Variants in PCDH15 observed in about 807,000 individuals in gnomAD.
PCDH15 encodes protocadherin related 15.
A neutral mutation model predicts 178.5 loss-of-function variants in PCDH15; 129 were observed. The observed-to-expected ratio is 0.72, with a 90% confidence interval of 0.63 to 0.84. PCDH15 has a LOEUF of 0.84. Ranked by LOEUF, PCDH15 falls within the 40% of genes least tolerant of loss-of-function variation. The pLI, the probability that PCDH15 is intolerant of heterozygous loss-of-function variation, is 0.00. For synonymous variants in PCDH15, 800 were observed against 732.0 expected (o/e 1.09, Z -1.50); for missense variants, 2,230 against 2,099.9 (o/e 1.06, Z -1.21).
intron 2 of PCDH15, among the ~76,000 whole-genome samples, chr10:55,160,194 T>C (rs774437481): frequency 6.6e-5 from 10 of 152,004 alleles, no homozygotes; most frequent in Non-Finnish European, 1.5e-4. Flanking sequence ...AGAGGAAAGC[T>C]TTCGTACAGA....
intron 15 of PCDH15, among the ~76,000 whole-genome samples, chr10:54,126,375 T>C (rs1270763885): frequency 5.3e-5 from 8 of 151,976 alleles, no homozygotes; most frequent in African/African-American, 1.9e-4. Context: ...TTACCTGCTA[T>C]CTCATTTAAT....
At chr10:55,589,900 T>C (rs1842806181) in intron 2 of PCDH15, among the ~76,000 whole-genome samples, 1 of 149,120 alleles carries the variant, frequency 6.7e-6, no homozygotes. Context: ...TGGAAGTCAG[T>C]GTGGCGATTC....
At chr10:54,300,611 G>A (rs1170939387) in intron 8 of PCDH15, among the ~76,000 whole-genome samples, 3 of 152,162 alleles carry the variant, frequency 2.0e-5, no homozygotes. Flanking sequence ...CCTGTTTAGA[G>A]GAGGGATTGA....
At chr10:54,696,694 C>A (rs2095230993) in intron 1 of PCDH15, among the ~76,000 whole-genome samples, 2 of 151,652 alleles carry the variant, frequency 1.3e-5, no homozygotes. Context: ...AAAAAAAAAC[C>A]GCCCTATTTT....
intron 32 of PCDH15, among the ~76,000 whole-genome samples, chr10:53,825,791 AAAGAT>A (rs1439883042): frequency 6.6e-5 from 10 of 151,446 alleles, no homozygotes; most frequent in East Asian, 3.9e-4. Flanking sequence ...AACATTTACT[AAAGAT>A]AAGATAATTA....
At chr10:54,772,439 T>A (rs1485661479) in intron 1 of PCDH15, among the ~76,000 whole-genome samples, 1 of 152,150 alleles carries the variant, frequency 6.6e-6, no homozygotes, top group African/African-American at 2.4e-5. Flanking sequence ...ACCTTAAAAT[T>A]TTGTCTTATC....
intron 2 of PCDH15, among the ~76,000 whole-genome samples, chr10:55,082,875 T>C (rs905175654): frequency 6.6e-6 from 1 of 151,866 alleles, no homozygotes; most frequent in Non-Finnish European, 1.5e-5. Flanking sequence ...AATAGGCCAA[T>C]AGCAAGTAAT....
chr10:54,608,675 C>T (rs931783836), intron 2 of PCDH15, among the ~76,000 whole-genome samples: 5 of 151,850 alleles, frequency 3.3e-5, no homozygotes, highest in African/African-American at 7.3e-5. Flanking sequence ...TGGTAATATT[C>T]GTCAAGAAGT....
chr10:54,038,981 T>C (rs1301975789), intron 18 of PCDH15, among the ~76,000 whole-genome samples: 1 of 151,982 alleles, frequency 6.6e-6, no homozygotes, highest in East Asian at 1.9e-4. Context: ...TCCACCCCTG[T>C]GCCCAGAGAC....
At chr10:54,699,499 T>A (rs1437163274) in intron 1 of PCDH15, among the ~76,000 whole-genome samples, 1 of 152,082 alleles carries the variant, frequency 6.6e-6, no homozygotes, top group Non-Finnish European at 1.5e-5. Flanking sequence ...AGAAAATTAT[T>A]TTTTATTGTT....
intron 2 of PCDH15, among the ~76,000 whole-genome samples, chr10:55,415,440 C>T (rs2132039186): frequency 6.6e-6 from 1 of 151,660 alleles, no homozygotes; most frequent in Middle Eastern, 3.4e-3. Flanking sequence ...ATTTGACATT[C>T]CAAATACTGA....
chr10:54,257,403 CTTT>C (rs71461225), intron 8 of PCDH15, among the ~76,000 whole-genome samples: 16 of 126,020 alleles, frequency 1.3e-4, no homozygotes, highest in Non-Finnish European at 2.3e-4. Context: ...GAATTGTCTT[CTTT>C]TTTTTTTTTT....
chr10:55,344,948 A>G (rs892893643), intron 2 of PCDH15, among the ~76,000 whole-genome samples: 1 of 152,196 alleles, frequency 6.6e-6, no homozygotes, highest in Middle Eastern at 3.4e-3. Flanking sequence ...GTATTACAAT[A>G]GTATTTTATC....
chr10:54,851,592 T>C (rs981527718), intron 3 of PCDH15, among the ~76,000 whole-genome samples: 4 of 152,136 alleles, frequency 2.6e-5, no homozygotes, highest in African/African-American at 9.7e-5. Context: ...TGTGTGTGTG[T>C]ATAGTTGTTA....
intron 3 of PCDH15, among the ~76,000 whole-genome samples, chr10:54,814,488 T>C (rs1183903885): frequency 6.6e-6 from 1 of 152,202 alleles, no homozygotes; most frequent in African/African-American, 2.4e-5. Flanking sequence ...GTGGTCATTA[T>C]ACCACATTTT....
chr10:55,384,875 G>A (rs1837614214), intron 2 of PCDH15, among the ~76,000 whole-genome samples: 1 of 151,972 alleles, frequency 6.6e-6, no homozygotes, highest in Non-Finnish European at 1.5e-5. Context: ...TGTATTACAT[G>A]TTAATTTACT....
intron 6 of PCDH15, among the ~76,000 whole-genome samples, chr10:54,337,110 G>GTATATATA (rs3069762): frequency 3.3e-5 from 5 of 150,518 alleles, no homozygotes; most frequent in African/African-American, 1.2e-4. Flanking sequence ...CATTTGGAAT[G>GTATATATA]TATATATATA....
At chr10:55,500,198 G>T (rs1319506671) in intron 2 of PCDH15, among the ~76,000 whole-genome samples, 1 of 151,666 alleles carries the variant, frequency 6.6e-6, no homozygotes. Flanking sequence ...GTATCTTAAA[G>T]AATGTATTAG....
At chr10:54,162,417 C>T (rs911183007) in intron 13 of PCDH15, among the ~76,000 whole-genome samples, 6 of 152,104 alleles carry the variant, frequency 3.9e-5, no homozygotes, top group African/African-American at 1.4e-4. Context: ...ATGTAATCAG[C>T]TAATCCAACT....
Sources: gnomAD v4.1 joint callset for allele counts (sites outside exome capture counted in the v4.1 genomes callset) on GRCh38, gnomAD v4.1.1 for gene constraint, MANE v1.5 for transcripts, NCBI Gene and HGNC (gene_info 2026-07-23, HGNC 2026-07-21) for gene names.